KMT2E: variants seen among roughly 807,000 people sequenced by gnomAD.
KMT2E encodes the protein lysine methyltransferase 2E (inactive), also known as histone reader KMT2E.
Under a neutral mutation model 184.6 loss-of-function variants are expected in KMT2E, and 30 were observed. The ratio of observed to expected loss-of-function variants is 0.16; its 90% CI spans 0.12 to 0.22. KMT2E has a LOEUF of 0.22. Ranked by LOEUF, KMT2E falls within the 10% of genes least tolerant of loss-of-function variation. The probability of loss-of-function intolerance (pLI) is 1.00; values close to 1 mark genes in which losing one functional copy is unlikely to be tolerated. For synonymous variants in KMT2E, 815 were observed against 776.5 expected, an observed-to-expected ratio of 1.05 and a Z score of -0.82; for missense variants, 2,023 against 2,237.4, an observed-to-expected ratio of 0.90 and a Z score of 1.93.
intron 15 of KMT2E, among the ~76,000 whole-genome samples, chr7:105,092,972 T>C (rs1798266800): frequency 6.6e-6 from 1 of 152,010 alleles, no homozygotes; most frequent in Admixed American, 6.5e-5. Flanking sequence ...GGTGGGAAGA[T>C]CACTTCAGCC....
chr7:105,060,536 C>T (rs1194631058), intron 3 of KMT2E, among the ~76,000 whole-genome samples: 1 of 152,064 alleles, frequency 6.6e-6, no homozygotes, highest in African/African-American at 2.4e-5. Context: ...AAACAGCTCT[C>T]CCACCTCAAC....
rs774512378 is a variant in KMT2E at position 105,112,400 on chromosome 7, T to TCCTCCA, written c.4650_4655dup (p.Pro1551_Pro1552dup). 1 of 1,611,936 alleles carries TCCTCCA rather than the reference T, an allele frequency of 6.2e-7. No individual in the cohort carries two copies. Among genetic ancestry groups the TCCTCCA allele is most frequent in the Admixed American group, 1.7e-5 (1 of 59,930 alleles). On this transcript the variant is annotated inframe_insertion, in exon 27 of 27. Transcript: ENST00000311117. ...ACAGCACGGCACCACCCCCTCCACCTCCTCCACCTCCTTCTTCGTCTTACT... is the reference window on the plus strand; with the variant it reads ...ACAGCACGGCACCACCCCCTCCACCTCCTCCACCTCCACCTCCTTCTTCGTCTTACT...
At chr7:105,059,978 G>GTTGTTT (rs1796734822) in intron 3 of KMT2E, among the ~76,000 whole-genome samples, 3 of 51,796 alleles carry the variant, frequency 5.8e-5, no homozygotes, top group Non-Finnish European at 8.0e-5. Context: ...TCTTGTTGTT[G>GTTGTTT]TTTTTTTTTT....
chr7:105,068,203 C>A (rs1191426254), intron 6 of KMT2E, among the ~76,000 whole-genome samples: 2 of 151,774 alleles, frequency 1.3e-5, no homozygotes, highest in Non-Finnish European at 1.5e-5. Context: ...TTTCCCTGTT[C>A]TATTTCTGTA....
At chr7:105,088,223 C>G (rs1034636665) in intron 13 of KMT2E, among the ~76,000 whole-genome samples, 1 of 152,160 alleles carries the variant, frequency 6.6e-6, no homozygotes, top group African/African-American at 2.4e-5. Flanking sequence ...TGCATTACCT[C>G]ACGTATATGA....
rs11976329 is a variant in KMT2E, at chr7:105,101,607, C to A, written c.1887+18C>A. On this transcript the variant is annotated intron_variant, in intron 16 of 26. Coordinates refer to ENST00000311117, the MANE Select transcript of KMT2E (RefSeq NM_182931.3). ...TTATTCAGGTATTATTTATTCAGGTCGTTTTATTTTCTTAAACACTTTAAA... is the reference window on the plus strand; with the variant it reads ...TTATTCAGGTATTATTTATTCAGGTAGTTTTATTTTCTTAAACACTTTAAA... The A allele has an allele frequency of 6.7e-7, 1 of 1,500,554 alleles. No homozygotes were observed. The highest frequency in any genetic ancestry group is 1.4e-5 in the South Asian group (1 of 71,960). The allele number at this position is 1,500,554 out of a possible 1,614,324, so 93.0% of individuals were successfully genotyped here. A position where few individuals can be genotyped will look rare whatever the true frequency, so the allele number is the denominator to read the frequency against.
intron 13 of KMT2E, among the ~76,000 whole-genome samples, chr7:105,088,676 G>T (rs533531906): frequency 6.6e-6 from 1 of 152,078 alleles, no homozygotes. Flanking sequence ...AAGTACATGC[G>T]CCTGAGAGTC....
At chr7:105,060,470 A>G (rs538438609) in intron 3 of KMT2E, among the ~76,000 whole-genome samples, 1 of 152,220 alleles carries the variant, frequency 6.6e-6, no homozygotes, top group Admixed American at 6.5e-5. Flanking sequence ...TCTGTTGCCC[A>G]GGCTAGAGTG....
chr7:105,072,634 C>G (rs1017165249), intron 6 of KMT2E, among the ~76,000 whole-genome samples: 1 of 152,062 alleles, frequency 6.6e-6, no homozygotes, highest in Non-Finnish European at 1.5e-5. Flanking sequence ...AAGTATTTCA[C>G]TTAACTGTTA....
chr7:105,029,508 T>C (rs964363367), intron 1 of KMT2E, among the ~76,000 whole-genome samples: 1 of 152,164 alleles, frequency 6.6e-6, no homozygotes, highest in African/African-American at 2.4e-5. Flanking sequence ...TAGAAGTTGA[T>C]AGTGACATAT....
Position 105,074,828 on chromosome 7 carries a change from T to C in KMT2E, c.729+13T>C. 2 of 1,588,910 alleles carry C rather than the reference T, an allele frequency of 1.3e-6. No homozygotes were observed. Among genetic ancestry groups the C allele is most frequent in the African/African-American group, 1.4e-5 (1 of 73,952 alleles). Reference sequence around the variant, plus strand: ...AAAATGTAAAAAGGTACGTTTTTGCTTGTTTTTAGGTGAGTGGATAGGATA... The same window carrying C: ...AAAATGTAAAAAGGTACGTTTTTGCCTGTTTTTAGGTGAGTGGATAGGATA... On this transcript the variant is annotated intron_variant, in intron 8 of 26. Coordinates refer to ENST00000311117, the MANE Select transcript of KMT2E (RefSeq NM_182931.3).
intron 3 of KMT2E, among the ~76,000 whole-genome samples, chr7:105,057,663 G>A (rs1323184815): frequency 1.3e-5 from 2 of 151,976 alleles, no homozygotes; most frequent in South Asian, 2.1e-4. Flanking sequence ...GTGTTGCCCC[G>A]ACTGGTCATG....
intron 3 of KMT2E, among the ~76,000 whole-genome samples, chr7:105,048,836 A>T (rs565245444): frequency 6.6e-6 from 1 of 152,350 alleles, no homozygotes; most frequent in East Asian, 1.9e-4. Context: ...GCTGGATTTG[A>T]CCCAGGGTTC....
intron 1 of KMT2E, among the ~76,000 whole-genome samples, chr7:105,032,118 A>G (rs138911158): frequency 2.0e-5 from 3 of 149,818 alleles, no homozygotes; most frequent in African/African-American, 7.4e-5. Context: ...AATAATGATC[A>G]AGTCTAATGG....
chr7:105,090,042 A>G lies in KMT2E; in HGVS notation c.1392A>G (p.Glu464=). ...KYKVDCACLK[E]NPECPVLKRS... ...AGGTGGACTGTGCATGCCTCAAAGA[A>G]AACCCAGAGTGCCCTGTTCTAAAAC... Residue 464 remains glutamate (E), a synonymous_variant, in exon 14 of 27, where the codon GAA becomes GAG. Transcript: ENST00000311117. 6.2e-7 allele frequency: 1 copy of G among 1,613,560 alleles called. No individual in the cohort carries two copies.
intron 13 of KMT2E, among the ~76,000 whole-genome samples, chr7:105,086,028 C>T (rs1452576485): frequency 6.6e-6 from 1 of 152,152 alleles, no homozygotes; most frequent in African/African-American, 2.4e-5. Context: ...CAAATATTAT[C>T]TAGAATTTTG....
Position 105,112,657 on chromosome 7 carries a change from C to T in KMT2E, c.4901C>T (p.Pro1634Leu), listed in dbSNP as rs763776214. 3 of 1,613,924 alleles carry T rather than the reference C, an allele frequency of 1.9e-6. No homozygotes were observed. The highest frequency in any genetic ancestry group is 3.3e-5 in the Admixed American group (2 of 59,988). Residue 1634 changes from proline (P) to leucine (L), a missense_variant, in exon 27 of 27, where the codon CCT becomes CTT. By Grantham distance (98) the Pro-to-Leu change is moderately conservative. This residue lies in a region of KMT2E where 1,108 missense variants were observed against 1,050.9 expected (regional missense o/e 1.05). Transcript: ENST00000311117. ...GTCCCCCCTCCTCCTCCACCACCAC[C>T]TGCTCCAGGACCGCACCTTGTACAA... Reference protein sequence around the residue: ...AVVPPPPPPPPAPGPHLVQQP... With the variant: ...AVVPPPPPPPLAPGPHLVQQP...
chr7:105,074,573 G>A, intron 7 of KMT2E, 70 bp from the exon 8 acceptor site: 1 of 1,148,088 alleles, frequency 8.7e-7, no homozygotes, highest in Non-Finnish European at 1.2e-6. Context: ...TTTGTCATAT[G>A]GAATGCTGTT....
intron 3 of KMT2E, among the ~76,000 whole-genome samples, chr7:105,058,688 A>T (rs761461766): frequency 1.3e-5 from 2 of 152,182 alleles, no homozygotes; most frequent in African/African-American, 4.8e-5. Flanking sequence ...TCTACAAATT[A>T]TGGTGGTTTT....
Sources: allele counts gnomAD v4.1 joint callset (sites outside exome capture counted in the v4.1 genomes callset), GRCh38; gene constraint gnomAD v4.1.1; regional missense constraint gnomAD v4.1.1; transcripts MANE v1.5; gene names NCBI Gene and HGNC (gene_info 2026-07-23, HGNC 2026-07-21).